SARDH: variants seen among roughly 807,000 people sequenced by gnomAD.
SARDH encodes sarcosine dehydrogenase, mitochondrial.
SARDH carries 95 observed loss-of-function variants against 109.1 expected under a neutral mutation model. The observed-to-expected ratio is 0.87, with a 90% CI of 0.74 to 1.03. The LOEUF (loss-of-function observed/expected upper bound fraction) is 1.03, where lower values mean the gene tolerates loss of function less well. SARDH is among the 50% of genes least tolerant of loss of function. The pLI is 0.00. For missense variants in SARDH, 1,267 were observed against 1,287.8 expected (o/e 0.98, Z 0.25); for synonymous variants, 572 against 534.8 (o/e 1.07, Z -0.96).
At chr9:133,673,510 A>C (rs896595794) in intron 17 of SARDH, among the ~76,000 whole-genome samples, 1 of 152,244 alleles carries the variant, frequency 6.6e-6, no homozygotes, top group African/African-American at 2.4e-5. Context: ...TCCCAACCAC[A>C]GGGGCAGCTC....
Position 133,686,905 on chromosome 9 carries a change from T to C in SARDH, c.2070-1619A>G, listed in dbSNP as rs555151576. Among the ~76,000 whole-genome samples the C allele has an allele frequency of 2.6e-5, 4 of 152,298 alleles. No homozygotes were observed. The East Asian group carries it at 7.8e-4, about 30-fold the overall frequency. On this transcript the variant is annotated intron_variant, in intron 16 of 20. Coordinates refer to ENST00000439388, the MANE Select transcript of SARDH (RefSeq NM_001134707.2). This position sits in a 1 kb window ranked among gnomAD's most constrained non-coding sequence, Gnocchi z 4.0. ...CAGTGCCTCAGACCTGACAAGCACA[T>C]GCTCTCTGCAGCCTTGAGTGGCAGC...
chr9:133,689,332 C>T (rs1831008508), intron 16 of SARDH, among the ~76,000 whole-genome samples: 1 of 152,160 alleles, frequency 6.6e-6, no homozygotes. Context: ...CCCAGTCCAG[C>T]AGAGCCACCC....
chr9:133,687,766 C>T (rs1830936488), intron 16 of SARDH, among the ~76,000 whole-genome samples: 1 of 152,208 alleles, frequency 6.6e-6, no homozygotes, highest in Non-Finnish European at 1.5e-5. Flanking sequence ...CTCCATTGTC[C>T]AGTAGGTGTG....
chr9:133,664,394 C>G (rs369697831), intron 20 of SARDH, among the ~76,000 whole-genome samples: 2 of 152,360 alleles, frequency 1.3e-5, no homozygotes, highest in East Asian at 1.9e-4. Flanking sequence ...CAATCCGGCT[C>G]GAATCCCTCG....
intron 20 of SARDH, among the ~76,000 whole-genome samples, chr9:133,665,447 C>T (rs1830030244): frequency 6.6e-6 from 1 of 152,224 alleles, no homozygotes; most frequent in Non-Finnish European, 1.5e-5. Flanking sequence ...ATCACAATCC[C>T]CACATATTAA....
chr9:133,736,063 G>A (rs956755359), intron 1 of SARDH, among the ~76,000 whole-genome samples: 7 of 149,864 alleles, frequency 4.7e-5, no homozygotes, highest in Non-Finnish European at 8.9e-5. Context: ...AAAAAGATGC[G>A]AAAGAGACAT....
chr9:133,674,005 C>A (rs981246706), intron 17 of SARDH, among the ~76,000 whole-genome samples: 1 of 152,166 alleles, frequency 6.6e-6, no homozygotes, highest in African/African-American at 2.4e-5. Flanking sequence ...AAGAAACAGT[C>A]CCTGAACGAA....
At position 133,718,960 on chromosome 9, in the gene SARDH, G is replaced by A. The variant is rs35664470; in HGVS notation, c.998C>T (p.Ala333Val). 1.1e-3 allele frequency: 1,709 copies of A among 1,614,006 alleles called. 23 individuals are homozygous for A. The African/African-American group carries it at 0.019, about 18-fold the overall frequency. Residue 333 changes from alanine (A) to valine (V), a missense_variant, in exon 7 of 21, where the codon GCC (alanine) becomes GTC (valine). Ala to Val is a moderately conservative substitution (Grantham distance 64). Transcript: ENST00000439388. The surrounding 1 kb of genome is among the most constrained non-coding windows in gnomAD (Gnocchi z 4.2). Reference sequence around the variant, plus strand: ...TACCTCCTCCCAAAAGATGGGGTTGGCCTCATAGCCACCCACAGACAAGGC... The same window carrying A: ...TACCTCCTCCCAAAAGATGGGGTTGACCTCATAGCCACCCACAGACAAGGC... ...GDALSVGGYE[A>V]NPIFWEEVSD...
At position 133,686,206 on chromosome 9, in the gene SARDH, C is replaced by T. The variant is rs1295371262; in HGVS notation, c.2070-920G>A. Among the ~76,000 whole-genome samples, 1 of 152,048 alleles carries T rather than the reference C, an allele frequency of 6.6e-6. No individual in the cohort carries two copies. On this transcript the variant is annotated intron_variant, in intron 16 of 20. Coordinates refer to ENST00000439388, the MANE Select transcript of SARDH (RefSeq NM_001134707.2). This position sits in a 1 kb window ranked among gnomAD's most constrained non-coding sequence, Gnocchi z 4.0. ...GGATTCGCTCCCCACTTTCCCTGCT[C>T]CGTGGTACCCAGCACCACATCTACT... is the stretch of plus-strand genomic sequence containing the variant.
At chr9:133,673,558 G>A (rs1830421669) in intron 17 of SARDH, among the ~76,000 whole-genome samples, 1 of 152,218 alleles carries the variant, frequency 6.6e-6, no homozygotes, top group Non-Finnish European at 1.5e-5. Flanking sequence ...GGCCGCCGAG[G>A]GGCTGGATTC....
chr9:133,706,845 C>T (rs1253154938), intron 11 of SARDH, among the ~76,000 whole-genome samples: 1 of 152,116 alleles, frequency 6.6e-6, no homozygotes, highest in African/African-American at 2.4e-5. Flanking sequence ...GTCCCAACAG[C>T]ACTTGCCCTC....
chr9:133,687,860 T>C (rs1830940015), intron 16 of SARDH, among the ~76,000 whole-genome samples: 1 of 152,230 alleles, frequency 6.6e-6, no homozygotes, highest in Admixed American at 6.5e-5. Flanking sequence ...AAACTTTGGG[T>C]TATTTTTGAA....
At chr9:133,689,274 C>T (rs920762031) in intron 16 of SARDH, among the ~76,000 whole-genome samples, 1 of 151,818 alleles carries the variant, frequency 6.6e-6, no homozygotes, top group Admixed American at 6.6e-5. Flanking sequence ...CTTTGATATC[C>T]TCCATGTCCC....
intron 17 of SARDH, among the ~76,000 whole-genome samples, chr9:133,672,999 G>A (rs987932088): frequency 3.3e-5 from 5 of 152,202 alleles, no homozygotes; most frequent in African/African-American, 1.2e-4. Flanking sequence ...GTCCCTCCAC[G>A]GCCCTTGCAA....
Position 133,674,820 on chromosome 9 carries a change from G to A in SARDH, c.2164-3123C>T, listed in dbSNP as rs546838423. Among the ~76,000 whole-genome samples, 99 of 152,260 alleles carry A rather than the reference G, an allele frequency of 6.5e-4. 1 individual carries two copies. The highest frequency in any genetic ancestry group is 2.2e-3 in the African/African-American group (92 of 41,546). On this transcript the variant is annotated intron_variant, in intron 17 of 20. Transcript: ENST00000439388. Reference sequence around the variant, plus strand: ...GGCATGGGGAGTTGGAAATGGCAAGGGTTTCCTGGAGAGGACACCAAAAGC... The same window carrying A: ...GGCATGGGGAGTTGGAAATGGCAAGAGTTTCCTGGAGAGGACACCAAAAGC...
At chr9:133,703,755 T>C (rs2427990) in intron 12 of SARDH, 132,758 of 152,098 alleles carry the variant, frequency 0.87, 58,539 homozygotes, top group East Asian at 1. Flanking sequence ...GCCAGCCCCG[T>C]CCGCCCAAGC....
chr9:133,736,195 T>C (rs571545928), intron 1 of SARDH, among the ~76,000 whole-genome samples: 14 of 152,330 alleles, frequency 9.2e-5, no homozygotes, highest in South Asian at 4.1e-4. Flanking sequence ...GAAGACTCCC[T>C]GAAAGGGGGT....
rs1564255254 is a variant in SARDH, at chr9:133,690,408, C to G, written c.2041G>C (p.Gly681Arg). Residue 681 changes from glycine to arginine, a missense_variant, in exon 16 of 21, where the codon GGT becomes CGT. Physicochemically the swap from Gly to Arg is moderately radical, Grantham distance 125. Coordinates refer to ENST00000439388, the MANE Select transcript of SARDH (RefSeq NM_001134707.2). ...GCTGGGCCCTGGATACTGATCATACCCAGGTCCTCGGAGCTGTCGATGAGC... is the reference window on the plus strand; with the variant it reads ...GCTGGGCCCTGGATACTGATCATACGCAGGTCCTCGGAGCTGTCGATGAGC... Reference protein sequence around the residue: ...CQLIDSSEDLGMISIQGPASR... With the variant: ...CQLIDSSEDLRMISIQGPASR... 6.2e-7 allele frequency: 1 copy of G among 1,613,202 alleles called. No individual in the cohort carries two copies. Among genetic ancestry groups the G allele is most frequent in the Admixed American group, 1.7e-5 (1 of 60,010 alleles).
intron 8 of SARDH, among the ~76,000 whole-genome samples, chr9:133,714,989 C>A (rs572647666): frequency 6.6e-6 from 1 of 152,196 alleles, no homozygotes; most frequent in Non-Finnish European, 1.5e-5. Context: ...ATGACTCATG[C>A]GGGTTGAGTA....
Sources: allele counts gnomAD v4.1 joint callset (sites outside exome capture counted in the v4.1 genomes callset), GRCh38; gene constraint gnomAD v4.1.1; non-coding constraint Gnocchi (gnomAD v3.1); transcripts MANE v1.5; gene names NCBI Gene and HGNC (gene_info 2026-07-23, HGNC 2026-07-21).